The following PABPC1 variants were observed in gnomAD, a reference collection of about 807,000 sequenced individuals.
PABPC1 encodes the protein poly(A) binding protein cytoplasmic 1.
In PABPC1, 4 loss-of-function variants were observed where a neutral mutation model predicts 74.0. The observed-to-expected ratio is 0.05, with a 90% CI of 0.03 to 0.12. The LOEUF (loss-of-function observed/expected upper bound fraction) is 0.12, where lower values mean the gene tolerates loss of function less well. Ranked by LOEUF, PABPC1 falls within the 10% of genes least tolerant of loss-of-function variation. The probability of loss-of-function intolerance (pLI) is 1.00; values close to 1 mark genes in which losing one functional copy is unlikely to be tolerated. For synonymous variants in PABPC1, 227 were observed against 264.1 expected (o/e 0.86, Z 1.36); for missense variants, 271 against 821.1 (o/e 0.33, Z 8.19).
At chr8:100,718,323 T>C (rs1298683445) in intron 1 of PABPC1, 43 bp from the exon 2 acceptor site, 1 of 1,536,712 alleles carries the variant, frequency 6.5e-7, no homozygotes, top group Admixed American at 1.9e-5. Flanking sequence ...CTTCAAAATT[T>C]TTGCTGGCTA....
In PABPC1 at chr8:100,721,307, CCCGCCGGCCTACCCCGCCCGCCG is replaced by C. The variant is rs1425579625; in HGVS notation, c.193+61_193+83del. 1 of 526,548 alleles carries C rather than the reference CCCGCCGGCCTACCCCGCCCGCCG, an allele frequency of 1.9e-6. No homozygotes were observed. Among genetic ancestry groups the C allele is most frequent in the African/African-American group, 2.1e-5 (1 of 48,202 alleles). 32.6% of individuals were successfully genotyped at this position (526,548 alleles called of 1,614,324 possible). A position where few individuals can be genotyped will look rare whatever the true frequency, so the allele number is the denominator to read the frequency against. Reference sequence around the variant, plus strand: ...ATGCCCTCCCGCCCCCCTCCCCGGGCCCGCCGGCCTACCCCGCCCGCCGCCGCCGCCCGAGCCTCATGGCCGCC... The same window carrying C: ...ATGCCCTCCCGCCCCCCTCCCCGGGCCCGCCGCCCGAGCCTCATGGCCGCC... On this transcript the variant is annotated intron_variant, in intron 1 of 14. Transcript: ENST00000318607. The surrounding 1 kb of genome is among the most constrained non-coding windows in gnomAD (Gnocchi z 7.4).
chr8:100,714,220 G>A (rs980992044), intron 4 of PABPC1, among the ~76,000 whole-genome samples: 12 of 152,256 alleles, frequency 7.9e-5, no homozygotes, highest in African/African-American at 2.9e-4. Flanking sequence ...TTACTCATAC[G>A]GTAGGTAGTT....
At chr8:100,706,232 G>A (rs75727360) in intron 11 of PABPC1, among the ~76,000 whole-genome samples, 7,607 of 152,240 alleles carry the variant, frequency 0.05, 629 homozygotes, top group African/African-American at 0.17. Context: ...TTCCAAAAGC[G>A]TAAGACATTT....
chr8:100,714,378 A>G (rs1810609360), intron 4 of PABPC1, among the ~76,000 whole-genome samples: 1 of 152,174 alleles, frequency 6.6e-6, no homozygotes. Flanking sequence ...TTTGTGCAAA[A>G]TGGTACTTTT....
chr8:100,712,629 T>G (rs1381510853), intron 6 of PABPC1, 23 bp downstream of exon 6: 1 of 1,595,244 alleles, frequency 6.3e-7, no homozygotes, highest in Non-Finnish European at 8.5e-7. Context: ...TGTCTTATTT[T>G]GGTTGTTCAA....
chr8:100,710,240 A>G (rs985691110), intron 7 of PABPC1, among the ~76,000 whole-genome samples: 1 of 152,270 alleles, frequency 6.6e-6, no homozygotes, highest in Admixed American at 6.5e-5. Flanking sequence ...ATATTACGGT[A>G]TAAAGAACAC....
intron 4 of PABPC1, among the ~76,000 whole-genome samples, chr8:100,713,887 T>C (rs1303424334): frequency 6.6e-6 from 1 of 151,802 alleles, no homozygotes; most frequent in African/African-American, 2.4e-5. Flanking sequence ...TTGGACTCTT[T>C]GGTAAGACAT....
intron 14 of PABPC1, chr8:100,704,092 T>C (rs900237421): frequency 3.4e-5 from 15 of 443,998 alleles, no homozygotes; most frequent in Admixed American, 2.4e-4. Context: ...CTGAAAGTCC[T>C]GGGATTTTAA....
Position 100,709,390 on chromosome 8 carries a change from G to A in PABPC1, c.1245+69C>T, listed in dbSNP as rs554331582. ...AATGTTTCACATTTGCGGGGCGAGG[G>A]GCACAAAAAACACTAGAAATGACCA... is the stretch of plus-strand genomic sequence containing the variant. On this transcript the variant is annotated intron_variant, in intron 8 of 14. Transcript: ENST00000318607. The A allele has an allele frequency of 2.7e-4, 423 of 1,572,862 alleles. 5 individuals carry two copies. The South Asian group carries it at 4.6e-3, about 17-fold the overall frequency.
At chr8:100,715,786 C>G (rs1215215774) in intron 3 of PABPC1, among the ~76,000 whole-genome samples, 185 bp from the exon 4 acceptor site, 1 of 152,056 alleles carries the variant, frequency 6.6e-6, no homozygotes, top group South Asian at 2.1e-4. Flanking sequence ...GAATAAGCCT[C>G]TAACTACAAT....
intron 2 of PABPC1, 83 bp from the exon 3 acceptor site, chr8:100,717,971 T>A (rs757443875): frequency 4.6e-5 from 62 of 1,342,356 alleles, no homozygotes; most frequent in Non-Finnish European, 6.1e-5. Flanking sequence ...CTGTTAGCCA[T>A]CTAACCTGGA....
In PABPC1 at chr8:100,703,844, G is replaced by A. The variant is rs1035689667; in HGVS notation, c.*1+453C>T. ...GTGGGCGGATCACTTGAGGTCAGAAGTTCCAGACCAGCCTGGCCAACATGG... is the reference window on the plus strand; with the variant it reads ...GTGGGCGGATCACTTGAGGTCAGAAATTCCAGACCAGCCTGGCCAACATGG... On this transcript the variant is annotated intron_variant, in intron 14 of 14. Transcript: ENST00000318607. Among the ~76,000 whole-genome samples the A allele has an allele frequency of 5.3e-5, 8 of 152,132 alleles. 1 individual carries two copies. The South Asian group carries it at 6.2e-4, about 12-fold the overall frequency.
intron 9 of PABPC1, 56 bp from the exon 10 acceptor site, chr8:100,707,053 T>C (rs753820028): frequency 3.2e-6 from 4 of 1,248,298 alleles, no homozygotes; most frequent in Middle Eastern, 1.9e-4. Context: ...GAGTGAAAAG[T>C]GTTTATGCTG....
chr8:100,705,106 A>C (rs1358693597), intron 12 of PABPC1, 50 bp from the exon 13 acceptor site: 1 of 1,533,026 alleles, frequency 6.5e-7, no homozygotes, highest in Non-Finnish European at 8.9e-7. Flanking sequence ...AAAGTTTTTA[A>C]CTGCATTGAA....
At chr8:100,715,742 G>T in intron 3 of PABPC1, 141 bp from the exon 4 acceptor site, 2 of 531,116 alleles carry the variant, frequency 3.8e-6, no homozygotes, top group Admixed American at 3.5e-5. Flanking sequence ...TAGAAATAGG[G>T]CCATAATTTA....
chr8:100,705,687 G>A lies in PABPC1; in HGVS notation c.1603-14C>T, dbSNP rs201517358. ...ATGAACAGCAGGCTAGACAGAAAAT[G>A]AGAACTCTTAAGTTTAAAGCACAGA... is the stretch of plus-strand genomic sequence containing the variant. On this transcript the variant is annotated splice_polypyrimidine_tract_variant and intron_variant, in intron 11 of 14. Transcript: ENST00000318607. 1.8e-5 allele frequency: 28 copies of A among 1,566,724 alleles called. No individual in the cohort carries two copies. Among genetic ancestry groups the A allele is most frequent in the Non-Finnish European group, 2.6e-6 (3 of 1,137,854 alleles).
chr8:100,719,741 AAG>A (rs1810765129), intron 1 of PABPC1, among the ~76,000 whole-genome samples: 1 of 152,198 alleles, frequency 6.6e-6, no homozygotes, highest in Non-Finnish European at 1.5e-5. Flanking sequence ...TAAGCTGAGA[AAG>A]AGTAACACTT....
At position 100,721,681 on chromosome 8, in the gene PABPC1, C is replaced by A. The variant is rs1221471193; in HGVS notation, c.-98G>T. ...GGGGCCGGAGCCGGGGGGAGGGGAG[C>A]GGGGAGCAAGCGCAGAGGGACAAAA... is the stretch of plus-strand genomic sequence containing the variant. On this transcript the variant is annotated 5_prime_UTR_variant, in exon 1 of 15. Coordinates refer to ENST00000318607, the MANE Select transcript of PABPC1 (RefSeq NM_002568.4). This position sits in a 1 kb window ranked among gnomAD's most constrained non-coding sequence, Gnocchi z 7.4. The A allele has an allele frequency of 1.1e-5, 10 of 918,518 alleles. No individual in the cohort carries two copies. The Admixed American group carries it at 2.5e-4, about 23-fold the overall frequency. 56.9% of individuals were successfully genotyped at this position (918,518 alleles called of 1,614,324 possible). A position where few individuals can be genotyped will look rare whatever the true frequency, so the allele number is the denominator to read the frequency against.
chr8:100,721,803 C>T lies in PABPC1; in HGVS notation c.-220G>A. ...CGGCGGGGAGCGAGGGTGGCGGTGTCGGGTCCGGGCAGCGGGAAGGCCTCG... is the reference window on the plus strand; with the variant it reads ...CGGCGGGGAGCGAGGGTGGCGGTGTTGGGTCCGGGCAGCGGGAAGGCCTCG... On this transcript the variant is annotated 5_prime_UTR_variant, in exon 1 of 15. Transcript: ENST00000318607. The surrounding 1 kb of genome is among the most constrained non-coding windows in gnomAD (Gnocchi z 7.4). 2.4e-6 allele frequency: 1 copy of T among 415,386 alleles called. No individual in the cohort carries two copies. Among genetic ancestry groups the T allele is most frequent in the Non-Finnish European group, 4.3e-6 (1 of 232,998 alleles). The allele number at this position is 415,386 out of a possible 1,614,324, so 25.7% of individuals were successfully genotyped here. A position where few individuals can be genotyped will look rare whatever the true frequency, so the allele number is the denominator to read the frequency against.
Sources: allele counts gnomAD v4.1 joint callset (sites outside exome capture counted in the v4.1 genomes callset), GRCh38; gene constraint gnomAD v4.1.1; non-coding constraint Gnocchi (gnomAD v3.1); transcripts MANE v1.5; gene names NCBI Gene and HGNC (gene_info 2026-07-23, HGNC 2026-07-21).